COX17: variants seen among roughly 807,000 people sequenced by gnomAD.
COX17 encodes cytochrome c oxidase copper chaperone COX17.
A neutral mutation model predicts 6.3 loss-of-function variants in COX17; 1 was observed. That is an observed-to-expected ratio of 0.16 (90% CI 0.06 to 0.75). The LOEUF is 0.75. Ranked by LOEUF, COX17 falls within the 30% of genes least tolerant of loss-of-function variation. The pLI, the probability that COX17 is intolerant of heterozygous loss-of-function variation, is 0.77. For missense variants in COX17, 73 were observed against 81.2 expected, an observed-to-expected ratio of 0.90 and a Z score of 0.39; for synonymous variants, 26 against 30.5, an observed-to-expected ratio of 0.85 and a Z score of 0.49.
chr3:119,674,110 G>C (rs1241917581), intron 2 of COX17, among the ~76,000 whole-genome samples: 2 of 151,382 alleles, frequency 1.3e-5, no homozygotes, highest in African/African-American at 4.9e-5. Flanking sequence ...GCCCTGTCTG[G>C]GATGTGAGGA....
chr3:119,676,342 A>G (rs2053099149), intron 1 of COX17, among the ~76,000 whole-genome samples: 1 of 152,232 alleles, frequency 6.6e-6, no homozygotes, highest in Non-Finnish European at 1.5e-5. Flanking sequence ...CTGAGCTCCT[A>G]CACTCTTATT....
chr3:119,673,700 T>A (rs1362406472), intron 2 of COX17, among the ~76,000 whole-genome samples: 17 of 151,768 alleles, frequency 1.1e-4, no homozygotes. Flanking sequence ...AAAGAGGGAG[T>A]GGGGTGAGGG....
intron 2 of COX17, among the ~76,000 whole-genome samples, chr3:119,673,888 C>A (rs1284934639): frequency 6.6e-6 from 1 of 152,110 alleles, no homozygotes; most frequent in Non-Finnish European, 1.5e-5. Context: ...GTCAGGAGTG[C>A]CACTGCCCGG....
chr3:119,677,145 G>A, intron 1 of COX17, 59 bp downstream of exon 1: 2 of 1,387,534 alleles, frequency 1.4e-6, no homozygotes, highest in Non-Finnish European at 2.0e-6. Flanking sequence ...AGAGGCACCG[G>A]AAGGCACAGG....
At chr3:119,671,163 G>A (rs973766866) in intron 2 of COX17, among the ~76,000 whole-genome samples, 1 of 152,138 alleles carries the variant, frequency 6.6e-6, no homozygotes, top group Non-Finnish European at 1.5e-5. Context: ...TAGGCCAGTG[G>A]TTGTTAAAGA....
At chr3:119,671,847 T>C (rs951647796) in intron 2 of COX17, among the ~76,000 whole-genome samples, 6 of 152,348 alleles carry the variant, frequency 3.9e-5, no homozygotes, top group Middle Eastern at 3.4e-3. Context: ...TTGACTTCAC[T>C]GTGCTTCCAT....
downstream of COX17, among the ~76,000 whole-genome samples, chr3:119,668,545 CTT>C (rs35724558): frequency 3.5e-5 from 5 of 142,142 alleles, no homozygotes; most frequent in East Asian, 2.0e-4. Context: ...ACTTCTATAC[CTT>C]TTTTTTTTTT....
chr3:119,676,595 A>T, intron 1 of COX17: 1 of 380,542 alleles, frequency 2.6e-6, no homozygotes, highest in East Asian at 5.1e-5. Flanking sequence ...TTGTCTTAAA[A>T]GGGTTGAAGC....
chr3:119,670,088 CAGA>C (rs1360535568), intron 2 of COX17, among the ~76,000 whole-genome samples: 1 of 152,154 alleles, frequency 6.6e-6, no homozygotes, highest in Non-Finnish European at 1.5e-5. Flanking sequence ...AAGTAGAAGG[CAGA>C]AGGTCAGCTC....
At chr3:119,670,617 T>C (rs1045669326) in intron 2 of COX17, among the ~76,000 whole-genome samples, 6 of 152,168 alleles carry the variant, frequency 3.9e-5, no homozygotes, top group Admixed American at 3.3e-4. Flanking sequence ...TGTAAAGTCT[T>C]TGACTGGAGG....
At chr3:119,668,168 T>C (rs1349214899), downstream of COX17, among the ~76,000 whole-genome samples, 1 of 152,130 alleles carries the variant, frequency 6.6e-6, no homozygotes, top group African/African-American at 2.4e-5. Context: ...TTTTAAAAAA[T>C]GTATAAAGGC....
At chr3:119,665,280 C>T (rs986550210), downstream of COX17, 2 of 152,118 alleles carry the variant, frequency 1.3e-5, no homozygotes, top group African/African-American at 2.4e-5. Flanking sequence ...AGTTGCGTGA[C>T]GATGTAATGC....
At chr3:119,664,243 G>T (rs1173105728) in intron 3 of COX17, among the ~76,000 whole-genome samples, 1 of 152,186 alleles carries the variant, frequency 6.6e-6, no homozygotes, top group Non-Finnish European at 1.5e-5. Context: ...TGAGGTTGGG[G>T]GCGTGATGGC....
chr3:119,665,003 C>T (rs991037534), downstream of COX17, among the ~76,000 whole-genome samples: 3 of 152,194 alleles, frequency 2.0e-5, no homozygotes, highest in Admixed American at 6.5e-5. Context: ...TGGTTGTCTT[C>T]CATAGCCATT....
chr3:119,675,743 A>C (rs1559735914), intron 1 of COX17, among the ~76,000 whole-genome samples: 1 of 152,240 alleles, frequency 6.6e-6, no homozygotes, highest in Non-Finnish European at 1.5e-5. Context: ...TAAAATTCAC[A>C]AAGTAAAGAC....
rs972092033 is a variant in COX17 at position 119,669,577 on chromosome 3, ACT to A, written c.*91_*92del. 2 of 152,232 alleles carry A rather than the reference ACT, an allele frequency of 1.3e-5. No individual in the cohort carries two copies. Among genetic ancestry groups the A allele is most frequent in the African/African-American group, 4.8e-5 (2 of 41,468 alleles). The allele number at this position is 152,232 out of a possible 1,614,324, so 9.4% of individuals were successfully genotyped here. A position where few individuals can be genotyped will look rare whatever the true frequency, so the allele number is the denominator to read the frequency against. ...TTTCTTCTTACAATAAATTATAAAT[ACT>A]TTTTCCACATATCAAAGTTCGTCAA... On this transcript the variant is annotated 3_prime_UTR_variant, in exon 3 of 3. Transcript: ENST00000261070.
chr3:119,676,412 G>A (rs1209434489), intron 1 of COX17, among the ~76,000 whole-genome samples: 1 of 152,228 alleles, frequency 6.6e-6, no homozygotes, highest in Non-Finnish European at 1.5e-5. Context: ...GACAAAAGGG[G>A]CCAGAGGAAG....
rs749518706 is a variant in COX17 at position 119,675,135 on chromosome 3, A to G, written c.*4+10T>C. 6.3e-7 allele frequency: 1 copy of G among 1,593,242 alleles called. No homozygotes were observed. Among genetic ancestry groups the G allele is most frequent in the Non-Finnish European group, 8.6e-7 (1 of 1,161,650 alleles). On this transcript the variant is annotated intron_variant, in intron 2 of 2. Transcript: ENST00000261070. ...TAAAGCAATACACAACTTTGAAGCAAGAAGCTTACCATTTCATATTTTAAA... is the reference window on the plus strand; with the variant it reads ...TAAAGCAATACACAACTTTGAAGCAGGAAGCTTACCATTTCATATTTTAAA...
Position 119,675,214 on chromosome 3 carries a change from C to G in COX17, c.127G>C (p.Glu43Gln), listed in dbSNP as rs764847539. The G allele has an allele frequency of 1.8e-5, 29 of 1,612,410 alleles. 1 individual carries two copies. In the South Asian group the frequency reaches 3.0e-4, roughly 16 times the overall value. ...RDACIIEKGE[E>Q]HCGHLIEAHK... ...GCCTCAATTAGATGTCCACAGTGTT[C>G]TTCTCCTTTCTCGATGATACTATAA... Residue 43 changes from glutamate to glutamine, a missense_variant, in exon 2 of 3, where the codon GAA (glutamate) becomes CAA (glutamine). By Grantham distance (29) the Glu-to-Gln change is conservative. Transcript: ENST00000261070.
Sources: gnomAD v4.1 joint callset for allele counts (sites outside exome capture counted in the v4.1 genomes callset) on GRCh38, gnomAD v4.1.1 for gene constraint, MANE v1.5 for transcripts, NCBI Gene and HGNC (gene_info 2026-07-23, HGNC 2026-07-21) for gene names.